CSMD1: variants seen among roughly 807,000 people sequenced by gnomAD.
CSMD1 encodes CUB and Sushi multiple domains 1.
Under a neutral mutation model 417.5 loss-of-function variants are expected in CSMD1, and 213 were observed. The observed-to-expected ratio is 0.51, with a 90% CI of 0.46 to 0.57. The LOEUF (loss-of-function observed/expected upper bound fraction) is 0.57. Ranked by LOEUF, CSMD1 falls within the 20% of genes least tolerant of loss-of-function variation. CSMD1 has a pLI of 0.00. For synonymous variants in CSMD1, 2,862 were observed against 1,736.8 expected (o/e 1.65, Z -16.11); for missense variants, 6,923 against 4,529.7 (o/e 1.53, Z -15.17).
At chr8:3,155,193 G>C (rs2129037330) in intron 39 of CSMD1, among the ~76,000 whole-genome samples, 1 of 152,042 alleles carries the variant, frequency 6.6e-6, no homozygotes, top group East Asian at 1.9e-4. Flanking sequence ...TGTCTGCTTA[G>C]AATTGATTTC....
At position 4,949,159 on chromosome 8, in the gene CSMD1, T is replaced by C. The variant is rs77637179; in HGVS notation, c.85+45173A>G. Among the ~76,000 whole-genome samples, 757 of 152,314 alleles carry C rather than the reference T, an allele frequency of 5.0e-3. 7 individuals are homozygous for C. Among genetic ancestry groups the C allele is most frequent in the African/African-American group, 0.018 (732 of 41,584 alleles). On this transcript the variant is annotated intron_variant, in intron 1 of 69. Coordinates refer to ENST00000635120, the MANE Select transcript of CSMD1 (RefSeq NM_033225.6). Reference sequence around the variant, plus strand: ...TTAAACTGCCTTTGTATTCTTAGGATAAACTCAAGTTTATCATGTTATAAT... The same window carrying C: ...TTAAACTGCCTTTGTATTCTTAGGACAAACTCAAGTTTATCATGTTATAAT...
rs566500729 is a variant in CSMD1, at chr8:4,901,721, G to C, written c.85+92611C>G. Reference sequence around the variant, plus strand: ...CTAGCATATTAGCATAGAGCATAGAGGATGCTGAATCATATTAGCATAGAG... The same window carrying C: ...CTAGCATATTAGCATAGAGCATAGACGATGCTGAATCATATTAGCATAGAG... On this transcript the variant is annotated intron_variant, in intron 1 of 69. Transcript: ENST00000635120. Among the ~76,000 whole-genome samples, 3 of 152,290 alleles carry C rather than the reference G, an allele frequency of 2.0e-5. No homozygotes were observed. In the South Asian group the frequency reaches 6.2e-4, roughly 32 times the overall value.
At chr8:3,719,050 A>T (rs1023368694) in intron 6 of CSMD1, among the ~76,000 whole-genome samples, 3 of 152,164 alleles carry the variant, frequency 2.0e-5, no homozygotes, top group African/African-American at 7.2e-5. Flanking sequence ...ACGTATTGAG[A>T]TGTAGAAAAC....
At chr8:4,121,433 C>T (rs1159030816) in intron 3 of CSMD1, among the ~76,000 whole-genome samples, 3 of 152,124 alleles carry the variant, frequency 2.0e-5, no homozygotes, top group African/African-American at 7.2e-5. Context: ...AATTCACACG[C>T]CCACCACACC....
intron 5 of CSMD1, among the ~76,000 whole-genome samples, chr8:3,848,016 T>G (rs925568251): frequency 6.6e-6 from 1 of 151,980 alleles, no homozygotes; most frequent in East Asian, 1.9e-4. Context: ...GGGGCACTTC[T>G]TTCCTGACAC....
At chr8:3,802,797 A>G (rs1800529229) in intron 5 of CSMD1, among the ~76,000 whole-genome samples, 1 of 152,194 alleles carries the variant, frequency 6.6e-6, no homozygotes, top group Non-Finnish European at 1.5e-5. Context: ...TGCTTTAACT[A>G]AAGAAATGTT....
intron 2 of CSMD1, among the ~76,000 whole-genome samples, chr8:4,469,996 T>G (rs1028626858): frequency 5.3e-5 from 8 of 151,572 alleles, no homozygotes; most frequent in African/African-American, 1.9e-4. Flanking sequence ...GCCTCCCGAG[T>G]AGCTGGGATT....
At chr8:4,595,194 A>G (rs1025891047) in intron 2 of CSMD1, among the ~76,000 whole-genome samples, 5 of 151,914 alleles carry the variant, frequency 3.3e-5, no homozygotes, top group South Asian at 2.1e-4. Context: ...GAAACATCCT[A>G]AAATGTAGAC....
chr8:4,222,534 A>G (rs1160770039), intron 3 of CSMD1, among the ~76,000 whole-genome samples: 2 of 152,234 alleles, frequency 1.3e-5, no homozygotes, highest in African/African-American at 4.8e-5. Context: ...TCAAGAAAAC[A>G]TAAAAACCAC....
At chr8:3,499,407 G>C (rs562570767) in intron 10 of CSMD1, among the ~76,000 whole-genome samples, 1 of 152,096 alleles carries the variant, frequency 6.6e-6, no homozygotes. Flanking sequence ...CTTCTCAGTG[G>C]AATGAGTTTT....
At chr8:4,254,566 T>TC (rs1427851817) in intron 3 of CSMD1, among the ~76,000 whole-genome samples, 11 of 152,192 alleles carry the variant, frequency 7.2e-5, no homozygotes, top group African/African-American at 2.7e-4. Flanking sequence ...TACAGTCATG[T>TC]CCTAAGCCTT....
At chr8:4,253,351 A>G (rs1030909087) in intron 3 of CSMD1, among the ~76,000 whole-genome samples, 12 of 151,804 alleles carry the variant, frequency 7.9e-5, no homozygotes, top group African/African-American at 2.9e-4. Flanking sequence ...ATCACTGTAT[A>G]TTATAATTAC....
At chr8:4,247,895 A>C (rs1802810190) in intron 3 of CSMD1, among the ~76,000 whole-genome samples, 1 of 152,294 alleles carries the variant, frequency 6.6e-6, no homozygotes, top group African/African-American at 2.4e-5. Context: ...TTGAGGGATA[A>C]ATTTTCACCC....
Position 3,933,848 on chromosome 8 carries a change from C to A in CSMD1, c.818+64055G>T, listed in dbSNP as rs370673228. ...AGTCCAACATGGACATACTGCTGTGCTCTGAACTATTTTTTTCACATTTAA... is the reference window on the plus strand; with the variant it reads ...AGTCCAACATGGACATACTGCTGTGATCTGAACTATTTTTTTCACATTTAA... On this transcript the variant is annotated intron_variant, in intron 5 of 69. Coordinates refer to ENST00000635120, the MANE Select transcript of CSMD1 (RefSeq NM_033225.6). 2.6e-5 allele frequency among the ~76,000 whole-genome samples: 4 copies of A among 152,204 alleles called. No homozygotes were observed. The East Asian group carries it at 7.7e-4, about 29-fold the overall frequency.
intron 6 of CSMD1, among the ~76,000 whole-genome samples, chr8:3,739,017 C>T (rs549919042): frequency 6.6e-6 from 1 of 152,144 alleles, no homozygotes; most frequent in Non-Finnish European, 1.5e-5. Flanking sequence ...TATATTGTAA[C>T]TATGTCTTTC....
intron 1 of CSMD1, among the ~76,000 whole-genome samples, chr8:4,787,061 T>G (rs1320223752): frequency 6.6e-6 from 1 of 152,160 alleles, no homozygotes; most frequent in African/African-American, 2.4e-5. Context: ...TACTGGTAAT[T>G]TCTAATATTA....
chr8:4,852,721 AG>A (rs1213072812), intron 1 of CSMD1, among the ~76,000 whole-genome samples: 9 of 152,180 alleles, frequency 5.9e-5, no homozygotes, highest in African/African-American at 1.9e-4. Context: ...GGAGATCCTT[AG>A]AAACTGGTTA....
intron 30 of CSMD1, among the ~76,000 whole-genome samples, chr8:3,211,372 G>A (rs141786173): frequency 6.6e-6 from 1 of 152,284 alleles, no homozygotes; most frequent in Non-Finnish European, 1.5e-5. Context: ...AAATGTCTGT[G>A]TTCATGTAGT....
intron 5 of CSMD1, among the ~76,000 whole-genome samples, chr8:3,879,726 G>GA (rs55774723): frequency 0.18 from 27,327 of 152,044 alleles, 2,738 homozygotes; most frequent in African/African-American, 0.26. Context: ...AACCTACATA[G>GA]AAAAAGTGTT....
Sources: gnomAD v4.1 joint callset for allele counts (sites outside exome capture counted in the v4.1 genomes callset) on GRCh38, gnomAD v4.1.1 for gene constraint, MANE v1.5 for transcripts, NCBI Gene and HGNC (gene_info 2026-07-23, HGNC 2026-07-21) for gene names.